Variants in CPQ observed in about 807,000 individuals in gnomAD.
CPQ encodes Ser-Met dipeptidase.
In CPQ, 37 loss-of-function variants were observed where a neutral mutation model predicts 45.7. The ratio of observed to expected loss-of-function variants is 0.81; its 90% CI spans 0.62 to 1.07. CPQ has a LOEUF of 1.07. Ranked by LOEUF, CPQ falls within the 50% of genes least tolerant of loss-of-function variation. The probability of loss-of-function intolerance (pLI) is 0.00; values close to 1 mark genes in which losing one functional copy is unlikely to be tolerated. For missense variants in CPQ, 537 were observed against 572.9 expected (o/e 0.94, Z 0.64); for synonymous variants, 186 against 205.8 (o/e 0.90, Z 0.82).
chr8:96,827,048 A>C (rs906065425), intron 2 of CPQ, among the ~76,000 whole-genome samples: 3 of 152,028 alleles, frequency 2.0e-5, no homozygotes, highest in African/African-American at 7.2e-5. Flanking sequence ...TGGTCCTTAA[A>C]GCTCCTGCTC....
At chr8:96,871,627 C>T (rs1401111411) in intron 3 of CPQ, among the ~76,000 whole-genome samples, 1 of 142,974 alleles carries the variant, frequency 7.0e-6, no homozygotes, top group Non-Finnish European at 1.5e-5. Context: ...TGCTTGATTA[C>T]AGTTTAAGAG....
chr8:96,647,837 C>G (rs1033578139), intron 1 of CPQ, among the ~76,000 whole-genome samples: 1 of 152,172 alleles, frequency 6.6e-6, no homozygotes, highest in Admixed American at 6.5e-5. Context: ...TTCAGACTTA[C>G]CAATTTAGGG....
In CPQ at chr8:96,966,006, C is replaced by G. The variant is rs376395954; in HGVS notation, c.921C>G (p.Ala307=). 1.9e-6 allele frequency: 3 copies of G among 1,613,756 alleles called. No homozygotes were observed. The highest frequency in any genetic ancestry group is 2.7e-5 in the African/African-American group (2 of 74,886). Residue 307 remains alanine (A), a synonymous_variant, in exon 5 of 8, where the codon GCC becomes GCG. Coordinates refer to ENST00000220763, the MANE Select transcript of CPQ (RefSeq NM_016134.4). ...GQGAMDDGGG[A]FISWEALSLI... ...GTGCCATGGATGATGGCGGTGGAGC[C>G]TTTATATCATGGGAAGCACTCTCAC...
chr8:96,878,291 A>G (rs1812175408), intron 3 of CPQ, among the ~76,000 whole-genome samples: 2 of 152,208 alleles, frequency 1.3e-5, no homozygotes, highest in Non-Finnish European at 2.9e-5. Flanking sequence ...AGAAATGTTC[A>G]TAGAGGGTAT....
chr8:96,815,507 G>A (rs551181724), intron 2 of CPQ, among the ~76,000 whole-genome samples: 17 of 151,884 alleles, frequency 1.1e-4, no homozygotes, highest in Non-Finnish European at 2.2e-4. Flanking sequence ...GAGGGGGTTG[G>A]AGGAAAAAAA....
intron 7 of CPQ, among the ~76,000 whole-genome samples, chr8:97,131,929 G>C (rs947927978): frequency 6.6e-6 from 1 of 152,116 alleles, no homozygotes; most frequent in Non-Finnish European, 1.5e-5. Flanking sequence ...CTCATATCCA[G>C]TTAGTTTCCC....
At chr8:96,937,093 G>T (rs1427370193) in intron 4 of CPQ, among the ~76,000 whole-genome samples, 1 of 151,824 alleles carries the variant, frequency 6.6e-6, no homozygotes, top group Non-Finnish European at 1.5e-5. Flanking sequence ...GATGCATAAG[G>T]CTTAGTCTTG....
chr8:96,684,544 T>G (rs1184760300), intron 1 of CPQ, among the ~76,000 whole-genome samples: 2 of 151,980 alleles, frequency 1.3e-5, no homozygotes, highest in Admixed American at 1.3e-4. Flanking sequence ...GCAATCATGG[T>G]GGTGGGTGGG....
chr8:96,909,630 C>T (rs2130903387), intron 4 of CPQ, among the ~76,000 whole-genome samples: 1 of 152,208 alleles, frequency 6.6e-6, no homozygotes, highest in African/African-American at 2.4e-5. Context: ...TGTGACTGTC[C>T]TGCTGTTATT....
At chr8:96,732,020 T>C (rs1809919974) in intron 1 of CPQ, among the ~76,000 whole-genome samples, 1 of 152,130 alleles carries the variant, frequency 6.6e-6, no homozygotes. Context: ...TGGTTGTAAG[T>C]GTTCAGGGAG....
At chr8:96,994,555 C>T (rs1586485063) in intron 5 of CPQ, among the ~76,000 whole-genome samples, 1 of 152,062 alleles carries the variant, frequency 6.6e-6, no homozygotes, top group East Asian at 1.9e-4. Context: ...TAAACCATAA[C>T]CCTGCTGGCA....
At chr8:97,104,590 T>C (rs1254444415) in intron 7 of CPQ, among the ~76,000 whole-genome samples, 2 of 152,168 alleles carry the variant, frequency 1.3e-5, no homozygotes, top group Non-Finnish European at 2.9e-5. Context: ...AACACACAGT[T>C]ACACACACAC....
chr8:96,989,170 G>A (rs1283988664), intron 5 of CPQ, among the ~76,000 whole-genome samples: 1 of 152,068 alleles, frequency 6.6e-6, no homozygotes, highest in East Asian at 1.9e-4. Flanking sequence ...CTCTAGAACT[G>A]AGGAACTAAA....
intron 7 of CPQ, among the ~76,000 whole-genome samples, chr8:97,124,026 C>G (rs56381060): frequency 0.022 from 3,305 of 151,850 alleles, 107 homozygotes; most frequent in African/African-American, 0.074. Flanking sequence ...GAGTTTGAGA[C>G]CAGCCTGGCC....
chr8:96,982,500 G>A (rs1172565070), intron 5 of CPQ, among the ~76,000 whole-genome samples: 1 of 151,898 alleles, frequency 6.6e-6, no homozygotes, highest in Non-Finnish European at 1.5e-5. Context: ...CACCATACCC[G>A]GCTAATTATT....
intron 4 of CPQ, among the ~76,000 whole-genome samples, chr8:96,954,380 G>A (rs569259275): frequency 6.6e-6 from 1 of 151,734 alleles, no homozygotes; most frequent in South Asian, 2.1e-4. Flanking sequence ...ATAATTAGGG[G>A]GACAGGGACA....
chr8:97,072,635 A>C (rs1810766095), intron 7 of CPQ, among the ~76,000 whole-genome samples: 2 of 152,156 alleles, frequency 1.3e-5, no homozygotes, highest in African/African-American at 2.4e-5. Context: ...ATACAAGTCT[A>C]ATTGAAGTTC....
chr8:96,925,026 TTGAATGAG>T (rs375748410), intron 4 of CPQ, among the ~76,000 whole-genome samples: 1 of 152,350 alleles, frequency 6.6e-6, no homozygotes, highest in African/African-American at 2.4e-5. Context: ...GAAATATTTA[TTGAATGAG>T]TGAAAGAAAT....
intron 4 of CPQ, among the ~76,000 whole-genome samples, chr8:96,939,095 TA>T (rs1443212827): frequency 6.6e-6 from 1 of 152,184 alleles, no homozygotes; most frequent in Non-Finnish European, 1.5e-5. Context: ...ATGTACCACC[TA>T]TGTGAGTTAT....
Sources: gnomAD v4.1 joint callset for allele counts (sites outside exome capture counted in the v4.1 genomes callset) on GRCh38, gnomAD v4.1.1 for gene constraint, MANE v1.5 for transcripts, NCBI Gene and HGNC (gene_info 2026-07-23, HGNC 2026-07-21) for gene names.